Variants in OXCT1 observed in about 807,000 individuals in gnomAD.
OXCT1 encodes the protein 3-oxoacid CoA-transferase 1.
A neutral mutation model predicts 69.6 loss-of-function variants in OXCT1; 27 were observed. That is an observed-to-expected ratio of 0.39 (90% CI 0.29 to 0.54). The LOEUF is 0.54. Ranked by LOEUF, OXCT1 falls within the 20% of genes least tolerant of loss-of-function variation. The pLI is 0.72. For missense variants in OXCT1, 437 were observed against 650.2 expected (o/e 0.67, Z 3.57); for synonymous variants, 202 against 217.8 (o/e 0.93, Z 0.64).
rs1204204632 is a variant in OXCT1, at chr5:41,828,194, G to A, written c.732+12257C>T. Among the ~76,000 whole-genome samples the A allele has an allele frequency of 5.9e-5, 9 of 151,940 alleles. 1 individual carries two copies. The highest frequency in any genetic ancestry group is 2.1e-4 in the South Asian group (1 of 4,826). ...AAAATCTCCTCTCACTGCAACCTCCGCCTCCCAGGTTCAAGCAATTCTCCT... is the reference window on the plus strand; with the variant it reads ...AAAATCTCCTCTCACTGCAACCTCCACCTCCCAGGTTCAAGCAATTCTCCT... On this transcript the variant is annotated intron_variant, in intron 7 of 16. Coordinates refer to ENST00000196371, the MANE Select transcript of OXCT1 (RefSeq NM_000436.4).
intron 11 of OXCT1, among the ~76,000 whole-genome samples, chr5:41,796,660 A>G (rs917632143): frequency 6.6e-6 from 1 of 152,172 alleles, no homozygotes; most frequent in Non-Finnish European, 1.5e-5. Context: ...TTTATTCCAA[A>G]TGATAGAAAT....
chr5:41,825,715 C>T (rs542776785), intron 7 of OXCT1, among the ~76,000 whole-genome samples: 1 of 152,244 alleles, frequency 6.6e-6, no homozygotes, highest in East Asian at 1.9e-4. Context: ...TGCCTCCTCT[C>T]TCATCACATG....
chr5:41,813,350 A>G (rs932335371), intron 7 of OXCT1, among the ~76,000 whole-genome samples: 3 of 152,078 alleles, frequency 2.0e-5, no homozygotes, highest in Admixed American at 6.6e-5. Context: ...CTTAGGGGGA[A>G]GTCTTCAGTG....
At chr5:41,749,970 C>G (rs191547916) in intron 14 of OXCT1, among the ~76,000 whole-genome samples, 1 of 151,942 alleles carries the variant, frequency 6.6e-6, no homozygotes. Context: ...CAGATATCTG[C>G]GCAGGATGCA....
At chr5:41,829,015 G>C (rs538999190) in intron 7 of OXCT1, among the ~76,000 whole-genome samples, 10 of 151,806 alleles carry the variant, frequency 6.6e-5, no homozygotes, top group Admixed American at 1.3e-4. Flanking sequence ...CAATATTACA[G>C]AGAAAAAAAA....
intron 13 of OXCT1, among the ~76,000 whole-genome samples, chr5:41,770,783 AC>A (rs1744840150): frequency 1.3e-5 from 2 of 152,340 alleles, no homozygotes; most frequent in Admixed American, 1.3e-4. Context: ...AACTAACAGA[AC>A]CACTGATGTG....
chr5:41,820,506 G>C (rs1561103370), intron 7 of OXCT1, among the ~76,000 whole-genome samples: 2 of 152,118 alleles, frequency 1.3e-5, no homozygotes, highest in Non-Finnish European at 2.9e-5. Context: ...CAATAGAATT[G>C]TTGATATGTT....
At chr5:41,750,134 GGT>G (rs1743697849) in intron 14 of OXCT1, among the ~76,000 whole-genome samples, 2 of 85,812 alleles carry the variant, frequency 2.3e-5, no homozygotes, top group South Asian at 3.8e-4. Flanking sequence ...TGTGTTTTTT[GGT>G]TTTTTTTTTT....
chr5:41,869,922 C>G (rs529227747), intron 1 of OXCT1: 3 of 360,372 alleles, frequency 8.3e-6, no homozygotes, highest in Admixed American at 7.8e-5. Flanking sequence ...CTCCTCCCCC[C>G]GTTCAGACCC....
chr5:41,857,157 T>C (rs1035343153), intron 3 of OXCT1, among the ~76,000 whole-genome samples: 2 of 152,228 alleles, frequency 1.3e-5, no homozygotes, highest in Non-Finnish European at 2.9e-5. Flanking sequence ...CTTGGTACTC[T>C]GCACTATCTT....
chr5:41,812,853 A>C (rs1421939283), intron 7 of OXCT1, among the ~76,000 whole-genome samples: 1 of 152,042 alleles, frequency 6.6e-6, no homozygotes, highest in Non-Finnish European at 1.5e-5. Context: ...AGGACCCTTA[A>C]AGAGCCTGAA....
intron 1 of OXCT1, among the ~76,000 whole-genome samples, chr5:41,869,248 A>G (rs1289967133): frequency 1.3e-5 from 2 of 152,238 alleles, no homozygotes; most frequent in African/African-American, 4.8e-5. Flanking sequence ...GATGCAGGAA[A>G]GAGCAATGGG....
intron 13 of OXCT1, among the ~76,000 whole-genome samples, chr5:41,767,701 G>A (rs1744672643): frequency 9.8e-6 from 1 of 101,936 alleles, no homozygotes; most frequent in African/African-American, 4.7e-5. Flanking sequence ...TATCTATCTA[G>A]TATCTAATAT....
intron 4 of OXCT1, among the ~76,000 whole-genome samples, 184 bp downstream of exon 4, chr5:41,853,235 G>C (rs575550040): frequency 6.6e-6 from 1 of 152,020 alleles, no homozygotes; most frequent in South Asian, 2.1e-4. Flanking sequence ...TCTTTTTTCA[G>C]TACACAGTAG....
intron 13 of OXCT1, among the ~76,000 whole-genome samples, chr5:41,774,140 G>A (rs1248683156): frequency 6.6e-6 from 1 of 152,212 alleles, no homozygotes; most frequent in Admixed American, 6.5e-5. Flanking sequence ...TCCTAAGAAT[G>A]CCATTTTCTA....
intron 13 of OXCT1, among the ~76,000 whole-genome samples, chr5:41,782,224 T>G (rs1745441491): frequency 1.3e-5 from 2 of 151,942 alleles, no homozygotes; most frequent in Non-Finnish European, 2.9e-5. Context: ...TTGAGCTTTT[T>G]TTTTTTTTTA....
At position 41,762,226 on chromosome 5, in the gene OXCT1, T is replaced by A; in HGVS notation, c.1249-26A>T. The A allele has an allele frequency of 6.6e-7, 1 of 1,523,684 alleles. No individual in the cohort carries two copies. Among genetic ancestry groups the A allele is most frequent in the Non-Finnish European group, 9.1e-7 (1 of 1,097,646 alleles). The allele number at this position is 1,523,684 out of a possible 1,614,324, so 94.4% of individuals were successfully genotyped here. On this transcript the variant is annotated intron_variant, in intron 13 of 16. Transcript: ENST00000196371. The surrounding 1 kb of genome is among the most constrained non-coding windows in gnomAD (Gnocchi z 4.0). ...CTGCAAAACAAAAAATAAATAGCTC[T>A]GTATCTTTCACTTCTTTTGTATGTG...
chr5:41,852,197 GT>G (rs952747809), intron 4 of OXCT1, among the ~76,000 whole-genome samples: 6 of 151,834 alleles, frequency 4.0e-5, no homozygotes, highest in African/African-American at 1.5e-4. Context: ...AGACATCTTT[GT>G]TTTTTTTGTT....
chr5:41,730,176 G>A lies in OXCT1; in HGVS notation c.*1553C>T, dbSNP rs1742539134. 3 of 152,140 alleles carry A rather than the reference G, an allele frequency of 2.0e-5. No individual in the cohort carries two copies. In the South Asian group the frequency reaches 6.2e-4, roughly 32 times the overall value. 9.4% of individuals were successfully genotyped at this position (152,140 alleles called of 1,614,324 possible). A position where few individuals can be genotyped will look rare whatever the true frequency, so the allele number is the denominator to read the frequency against. On this transcript the variant is annotated 3_prime_UTR_variant, in exon 17 of 17. Coordinates refer to ENST00000196371, the MANE Select transcript of OXCT1 (RefSeq NM_000436.4). ...CTTAGAATCACATTATCTTAAAGAT[G>A]CATACTGGAATGATAAGTTTGAAGA...
Sources: gnomAD v4.1 joint callset for allele counts (sites outside exome capture counted in the v4.1 genomes callset) on GRCh38, gnomAD v4.1.1 for gene constraint, Gnocchi (gnomAD v3.1) non-coding constraint, MANE v1.5 for transcripts, NCBI Gene and HGNC (gene_info 2026-07-23, HGNC 2026-07-21) for gene names.